PSKH1: variants seen among roughly 807,000 people sequenced by gnomAD.
The protein encoded by PSKH1 is serine/threonine-protein kinase H1.
In PSKH1, 12 loss-of-function variants were observed where a neutral mutation model predicts 26.7. That is an observed-to-expected ratio of 0.45 (90% CI 0.29 to 0.73). The LOEUF (loss-of-function observed/expected upper bound fraction) is 0.73. Among genes scored for constraint, PSKH1 ranks in the 30% least tolerant of loss-of-function variants. The pLI, the probability that PSKH1 is intolerant of heterozygous loss-of-function variation, is 0.11. For synonymous variants in PSKH1, 213 were observed against 234.3 expected (o/e 0.91, Z 0.83); for missense variants, 431 against 595.2 (o/e 0.72, Z 2.87).
At chr16:67,921,254 C>T (rs1417261210) in intron 2 of PSKH1, among the ~76,000 whole-genome samples, 1 of 151,452 alleles carries the variant, frequency 6.6e-6, no homozygotes, top group African/African-American at 2.4e-5. Context: ...GCCTGGGCAA[C>T]AAGAGCAAAA....
chr16:67,926,814 A>G (rs547212042), intron 2 of PSKH1, among the ~76,000 whole-genome samples: 2 of 151,694 alleles, frequency 1.3e-5, no homozygotes, highest in South Asian at 4.2e-4. Context: ...TTTCCTCCCC[A>G]TGCCGGGAGG....
intron 1 of PSKH1, among the ~76,000 whole-genome samples, chr16:67,906,506 G>A (rs1172321629): frequency 6.6e-6 from 1 of 151,794 alleles, no homozygotes. Context: ...GGGGTTACAG[G>A]TGTGCATCAC....
chr16:67,918,580 C>A (rs998102043), intron 2 of PSKH1, among the ~76,000 whole-genome samples: 6 of 151,582 alleles, frequency 4.0e-5, no homozygotes, highest in African/African-American at 1.5e-4. Flanking sequence ...ATGAGCTTGA[C>A]CACCTGTAGT....
intron 2 of PSKH1, among the ~76,000 whole-genome samples, chr16:67,920,796 C>T (rs762697709): frequency 5.3e-5 from 8 of 152,194 alleles, no homozygotes; most frequent in Non-Finnish European, 8.8e-5. Context: ...GAGCTCTGCT[C>T]CCTTGTGGCC....
At chr16:67,895,675 G>A (rs776453863) in intron 1 of PSKH1, among the ~76,000 whole-genome samples, 1 of 152,120 alleles carries the variant, frequency 6.6e-6, no homozygotes, top group Non-Finnish European at 1.5e-5. Context: ...CCAAAGTGCT[G>A]GGATTACAGG....
rs2058163686 is a variant in PSKH1 at position 67,908,784 on chromosome 16, C to T, written c.35C>T (p.Pro12Leu). 4 of 1,601,370 alleles carry T rather than the reference C, an allele frequency of 2.5e-6. No individual in the cohort carries two copies. Among genetic ancestry groups the T allele is most frequent in the African/African-American group, 1.3e-5 (1 of 74,734 alleles). Residue 12 changes from proline to leucine, a missense_variant, in exon 2 of 3, where the codon CCA becomes CTA. Transcript: ENST00000291041. ...GCGTSKVLPE[P>L]PKDVQLDLVK... is the part of the protein sequence containing the mutation. ...GGGACAAGCAAGGTCCTTCCCGAGC[C>T]ACCCAAGGATGTCCAGCTGGATCTG...
intron 1 of PSKH1, among the ~76,000 whole-genome samples, chr16:67,904,540 A>G (rs980376388): frequency 2.6e-5 from 4 of 151,714 alleles, no homozygotes; most frequent in African/African-American, 4.9e-5. Flanking sequence ...GGGTTTCTCC[A>G]TGTTGGTCAG....
At chr16:67,907,960 C>G (rs1446038786) in intron 1 of PSKH1, among the ~76,000 whole-genome samples, 1 of 152,020 alleles carries the variant, frequency 6.6e-6, no homozygotes, top group African/African-American at 2.4e-5. Flanking sequence ...CACTTCACAC[C>G]CCCATTTCAG....
intron 2 of PSKH1, among the ~76,000 whole-genome samples, chr16:67,920,135 T>G (rs1379072054): frequency 6.6e-6 from 1 of 152,192 alleles, no homozygotes; most frequent in Non-Finnish European, 1.5e-5. Flanking sequence ...CTCTCCTGTC[T>G]TTTCATTGTC....
chr16:67,893,552 C>T (rs1340212187), intron 1 of PSKH1, among the ~76,000 whole-genome samples, 181 bp downstream of exon 1: 1 of 152,242 alleles, frequency 6.6e-6, no homozygotes, highest in Non-Finnish European at 1.5e-5. Flanking sequence ...CTCGGGTTCC[C>T]GGCGTCCGAG....
intron 2 of PSKH1, among the ~76,000 whole-genome samples, chr16:67,923,065 G>A (rs950116684): frequency 6.6e-6 from 1 of 152,216 alleles, no homozygotes; most frequent in African/African-American, 2.4e-5. Context: ...GAAAAGGGTT[G>A]GTGCGGGGGG....
At chr16:67,894,836 T>C (rs547954962) in intron 1 of PSKH1, among the ~76,000 whole-genome samples, 1 of 151,954 alleles carries the variant, frequency 6.6e-6, no homozygotes, top group South Asian at 2.1e-4. Context: ...GTGTGGTAGG[T>C]AGTACAGCCT....
chr16:67,898,913 G>A (rs1014660611), intron 1 of PSKH1, among the ~76,000 whole-genome samples: 60 of 152,110 alleles, frequency 3.9e-4, no homozygotes, highest in Non-Finnish European at 7.6e-4. Flanking sequence ...GAGCCGCTGC[G>A]CCCAGCCGGT....
rs2058231048 is a variant in PSKH1 at position 67,929,666 on chromosome 16, A to G, written c.*2024A>G. 4.0e-6 allele frequency: 2 copies of G among 498,740 alleles called. No individual in the cohort carries two copies. The highest frequency in any genetic ancestry group is 7.2e-6 in the Non-Finnish European group (2 of 276,636). 30.9% of individuals were successfully genotyped at this position (498,740 alleles called of 1,614,324 possible). A position where few individuals can be genotyped will look rare whatever the true frequency, so the allele number is the denominator to read the frequency against. The stretch of plus-strand genomic sequence containing the variant: ...GGCTGCCTCTCCAGGGAGGGCTGCC[A>G]TTCATTCCAACAGTTCTGGCTTCTT... On this transcript the variant is annotated 3_prime_UTR_variant, in exon 3 of 3. Coordinates refer to ENST00000291041, the MANE Select transcript of PSKH1 (RefSeq NM_006742.3).
At chr16:67,895,473 A>G (rs2058123859) in intron 1 of PSKH1, among the ~76,000 whole-genome samples, 1 of 149,680 alleles carries the variant, frequency 6.7e-6, no homozygotes, top group South Asian at 2.1e-4. Flanking sequence ...CAGTGGTGCG[A>G]TCTCGGCTCA....
At chr16:67,925,360 A>G (rs1345239601) in intron 2 of PSKH1, among the ~76,000 whole-genome samples, 1 of 151,346 alleles carries the variant, frequency 6.6e-6, no homozygotes, top group Non-Finnish European at 1.5e-5. Context: ...CGCCCGACTA[A>G]TTTTTGTATT....
At chr16:67,920,826 G>A (rs1250989677) in intron 2 of PSKH1, among the ~76,000 whole-genome samples, 1 of 152,192 alleles carries the variant, frequency 6.6e-6, no homozygotes, top group African/African-American at 2.4e-5. Context: ...TGGAGCAGAA[G>A]GCTTAGTCAC....
chr16:67,915,583 G>A (rs1567400673), intron 2 of PSKH1, among the ~76,000 whole-genome samples: 1 of 152,142 alleles, frequency 6.6e-6, no homozygotes, highest in African/African-American at 2.4e-5. Context: ...TCAGGAGTCT[G>A]AGAAGTACCA....
intron 1 of PSKH1, among the ~76,000 whole-genome samples, chr16:67,907,264 A>G (rs986541358): frequency 1.5e-5 from 2 of 134,854 alleles, no homozygotes; most frequent in African/African-American, 5.7e-5. Context: ...CGCCTGGCCA[A>G]CTCTTTTTTT....
Sources: gnomAD v4.1 joint callset for allele counts (sites outside exome capture counted in the v4.1 genomes callset) on GRCh38, gnomAD v4.1.1 for gene constraint, MANE v1.5 for transcripts, NCBI Gene and HGNC (gene_info 2026-07-23, HGNC 2026-07-21) for gene names.